Variants in PIK3CB observed in about 807,000 individuals in gnomAD.
The protein encoded by PIK3CB is phosphatidylinositol-4,5-bisphosphate 3-kinase catalytic subunit beta.
A neutral mutation model predicts 136.8 loss-of-function variants in PIK3CB; 39 were observed. The observed-to-expected ratio is 0.29, with a 90% CI of 0.22 to 0.37. The LOEUF (loss-of-function observed/expected upper bound fraction) is 0.37, where lower values mean the gene tolerates loss of function less well. PIK3CB is among the 10% of genes least tolerant of loss of function. The pLI is 1.00. For synonymous variants in PIK3CB, 428 were observed against 436.6 expected, an observed-to-expected ratio of 0.98 and a Z score of 0.25; for missense variants, 868 against 1,275.4, an observed-to-expected ratio of 0.68 and a Z score of 4.87.
chr3:138,718,044 T>C (rs2044648427), intron 8 of PIK3CB, among the ~76,000 whole-genome samples: 1 of 152,230 alleles, frequency 6.6e-6, no homozygotes, highest in South Asian at 2.1e-4. Flanking sequence ...CCTCTGGGTA[T>C]ATACCCAGTA....
intron 2 of PIK3CB, among the ~76,000 whole-genome samples, chr3:138,768,518 A>G (rs1220096459): frequency 6.6e-6 from 1 of 152,190 alleles, no homozygotes; most frequent in African/African-American, 2.4e-5. Context: ...ACTCTAGTCC[A>G]TGGAACTGGC....
intron 2 of PIK3CB, among the ~76,000 whole-genome samples, chr3:138,780,885 A>G (rs2045916213): frequency 6.6e-6 from 1 of 151,958 alleles, no homozygotes; most frequent in African/African-American, 2.4e-5. Flanking sequence ...GGGTATCGCT[A>G]TGTTGCCCAG....
intron 11 of PIK3CB, among the ~76,000 whole-genome samples, chr3:138,705,181 C>CAAAAAAAAAAAAAAAAAAAAAAA (rs1277322816): frequency 1.7e-5 from 1 of 58,526 alleles, no homozygotes; most frequent in Non-Finnish European, 2.9e-5. Flanking sequence ...AAACAAAAAA[C>CAAAAAAAAAAAAAAAAAAAAAAA]AAAACAAACA....
intron 10 of PIK3CB, among the ~76,000 whole-genome samples, chr3:138,709,766 T>A (rs2044456673): frequency 6.6e-6 from 1 of 152,142 alleles, no homozygotes; most frequent in Non-Finnish European, 1.5e-5. Flanking sequence ...AAAATACTAG[T>A]CAAGTTGGTT....
chr3:138,679,132 A>G (rs1332489858), intron 19 of PIK3CB, among the ~76,000 whole-genome samples: 1 of 152,164 alleles, frequency 6.6e-6, no homozygotes, highest in African/African-American at 2.4e-5. Context: ...AAAACTGATA[A>G]GATTTCAGGC....
At chr3:138,694,989 T>C in intron 13 of PIK3CB, 82 bp from the exon 14 acceptor site, 1 of 1,377,978 alleles carries the variant, frequency 7.3e-7, no homozygotes, top group Non-Finnish European at 9.8e-7. Context: ...AGCACCAAGA[T>C]AGGTCAAAAG....
chr3:138,824,294 C>T (rs1169024365), intron 1 of PIK3CB, among the ~76,000 whole-genome samples: 2 of 152,070 alleles, frequency 1.3e-5, no homozygotes, highest in African/African-American at 2.4e-5. Context: ...CCTGAAGCAC[C>T]AGAAGACAAA....
chr3:138,692,077 A>G (rs1009319355), intron 14 of PIK3CB, among the ~76,000 whole-genome samples: 7 of 152,308 alleles, frequency 4.6e-5, no homozygotes, highest in South Asian at 4.1e-4. Context: ...ACTGAGCTCA[A>G]TTAATTAAGG....
intron 2 of PIK3CB, among the ~76,000 whole-genome samples, chr3:138,761,707 T>C (rs2045665076): frequency 6.6e-6 from 1 of 151,858 alleles, no homozygotes; most frequent in South Asian, 2.1e-4. Flanking sequence ...GAGGCAGAGG[T>C]TGCAGTGAGC....
intron 2 of PIK3CB, among the ~76,000 whole-genome samples, chr3:138,779,343 C>A (rs2108783551): frequency 6.6e-6 from 1 of 151,350 alleles, no homozygotes; most frequent in East Asian, 1.9e-4. Flanking sequence ...ACCTCAGCCT[C>A]CCAAAATGCT....
chr3:138,819,382 C>T (rs2108895552), intron 1 of PIK3CB, among the ~76,000 whole-genome samples: 1 of 151,988 alleles, frequency 6.6e-6, no homozygotes, highest in South Asian at 2.1e-4. Flanking sequence ...ACATATGCCA[C>T]TGGTGACATA....
At chr3:138,803,146 C>T (rs2046195748) in intron 1 of PIK3CB, among the ~76,000 whole-genome samples, 1 of 152,124 alleles carries the variant, frequency 6.6e-6, no homozygotes, top group Non-Finnish European at 1.5e-5. Flanking sequence ...TAAACAAACA[C>T]CCACTGCTCC....
intron 19 of PIK3CB, among the ~76,000 whole-genome samples, chr3:138,676,656 A>G (rs2043650520): frequency 6.6e-6 from 1 of 152,248 alleles, no homozygotes; most frequent in Admixed American, 6.5e-5. Flanking sequence ...TTGCAAAAGA[A>G]TATTGTTTGA....
At chr3:138,782,857 G>A (rs983348576) in intron 2 of PIK3CB, among the ~76,000 whole-genome samples, 2 of 152,100 alleles carry the variant, frequency 1.3e-5, no homozygotes, top group African/African-American at 4.8e-5. Flanking sequence ...ATTAAGTTTG[G>A]ACCATTATTC....
chr3:138,791,119 C>T (rs2046043136), intron 2 of PIK3CB, among the ~76,000 whole-genome samples: 1 of 151,994 alleles, frequency 6.6e-6, no homozygotes, highest in Non-Finnish European at 1.5e-5. Flanking sequence ...CTCATCTTCA[C>T]TTTCAGATAC....
intron 21 of PIK3CB, among the ~76,000 whole-genome samples, chr3:138,659,481 C>A (rs113980052): frequency 6.6e-6 from 1 of 151,494 alleles, no homozygotes; most frequent in African/African-American, 2.4e-5. Context: ...CACGCCACTG[C>A]ACTCCAGCCT....
intron 2 of PIK3CB, among the ~76,000 whole-genome samples, chr3:138,769,669 A>C (rs2045776916): frequency 6.6e-6 from 1 of 152,234 alleles, no homozygotes; most frequent in African/African-American, 2.4e-5. Context: ...ACTTTTAAAA[A>C]ATGAGGTAAC....
intron 19 of PIK3CB, among the ~76,000 whole-genome samples, chr3:138,680,935 G>A (rs1259584732): frequency 6.6e-6 from 1 of 151,698 alleles, no homozygotes; most frequent in Non-Finnish European, 1.5e-5. Flanking sequence ...CAATCCACCT[G>A]CCTCGGCCTC....
intron 1 of PIK3CB, among the ~76,000 whole-genome samples, chr3:138,815,624 C>A (rs192059341): frequency 4.3e-4 from 65 of 152,116 alleles, no homozygotes; most frequent in African/African-American, 1.2e-3. Flanking sequence ...AGAATAATGA[C>A]CATGCTATGC....
Sources: allele counts gnomAD v4.1 joint callset (sites outside exome capture counted in the v4.1 genomes callset), GRCh38; gene constraint gnomAD v4.1.1; transcripts MANE v1.5; gene names NCBI Gene and HGNC (gene_info 2026-07-23, HGNC 2026-07-21).